Variants in MEI4 observed in about 807,000 individuals in gnomAD.
MEI4 encodes the protein meiotic double-stranded break formation protein 4.
In MEI4, 27 loss-of-function variants were observed where a neutral mutation model predicts 31.4. The ratio of observed to expected loss-of-function variants is 0.86; its 90% CI spans 0.63 to 1.19. The LOEUF (loss-of-function observed/expected upper bound fraction) is 1.19, where lower values mean the gene tolerates loss of function less well. MEI4 is among the 50% of genes most tolerant of loss of function. MEI4 has a pLI of 0.00. For missense variants in MEI4, 329 were observed against 398.9 expected, an observed-to-expected ratio of 0.82 and a Z score of 1.49; for synonymous variants, 122 against 145.4, an observed-to-expected ratio of 0.84 and a Z score of 1.16.
At chr6:77,813,303 G>A (rs9343671) in intron 3 of MEI4, among the ~76,000 whole-genome samples, 8,630 of 151,998 alleles carry the variant, frequency 0.057, 678 homozygotes, top group African/African-American at 0.17. Flanking sequence ...TCATTTGCCT[G>A]AACAGTATCT....
At chr6:77,700,644 A>T (rs547967123) in intron 2 of MEI4, among the ~76,000 whole-genome samples, 1 of 152,250 alleles carries the variant, frequency 6.6e-6, no homozygotes, top group African/African-American at 2.4e-5. Flanking sequence ...TGAACCTGGT[A>T]CCTCAGATGG....
At chr6:77,759,576 A>G (rs1767999056) in intron 2 of MEI4, among the ~76,000 whole-genome samples, 1 of 152,112 alleles carries the variant, frequency 6.6e-6, no homozygotes, top group Non-Finnish European at 1.5e-5. Context: ...GCAGCACCAT[A>G]ATCTACCTTG....
intron 4 of MEI4, among the ~76,000 whole-genome samples, chr6:77,835,476 AAAGGTG>A (rs1457601378): frequency 6.6e-6 from 1 of 151,912 alleles, no homozygotes; most frequent in Non-Finnish European, 1.5e-5. Context: ...GAGAAACCTA[AAAGGTG>A]ATTTAACATG....
chr6:77,768,952 C>T (rs1391375193), intron 3 of MEI4, among the ~76,000 whole-genome samples: 2 of 152,032 alleles, frequency 1.3e-5, no homozygotes, highest in Non-Finnish European at 2.9e-5. Flanking sequence ...AAATACAAGC[C>T]TCTAGGAATT....
chr6:77,733,454 C>G (rs1767076930), intron 2 of MEI4, among the ~76,000 whole-genome samples: 1 of 152,034 alleles, frequency 6.6e-6, no homozygotes, highest in Admixed American at 6.5e-5. Context: ...GTTTGTATTT[C>G]TGTGTGATCG....
At chr6:77,773,188 A>T (rs1768359296) in intron 3 of MEI4, among the ~76,000 whole-genome samples, 1 of 152,036 alleles carries the variant, frequency 6.6e-6, no homozygotes, top group South Asian at 2.1e-4. Context: ...AATAGAAAAA[A>T]TAGTCCTAAA....
intron 1 of MEI4, among the ~76,000 whole-genome samples, chr6:77,673,070 GTTC>G (rs1408778517): frequency 1.3e-5 from 2 of 152,122 alleles, no homozygotes; most frequent in African/African-American, 2.4e-5. Context: ...TTGACTAATT[GTTC>G]TTCTAGTTAC....
At chr6:77,696,295 C>A (rs904380357) in intron 2 of MEI4, among the ~76,000 whole-genome samples, 1 of 152,232 alleles carries the variant, frequency 6.6e-6, no homozygotes, top group South Asian at 2.1e-4. Flanking sequence ...GAACTTCCAA[C>A]ACTATGTTGA....
At chr6:77,856,436 A>G (rs1458693387) in intron 4 of MEI4, among the ~76,000 whole-genome samples, 5 of 152,170 alleles carry the variant, frequency 3.3e-5, no homozygotes, top group Non-Finnish European at 7.3e-5. Flanking sequence ...CATTGTATAC[A>G]TAGAAGGTTG....
intron 4 of MEI4, among the ~76,000 whole-genome samples, chr6:77,918,905 T>C (rs901299546): frequency 6.6e-6 from 1 of 152,106 alleles, no homozygotes; most frequent in African/African-American, 2.4e-5. Context: ...GGCTGTGGGA[T>C]TCTCATAGAT....
chr6:77,882,586 T>G (rs1406866073), intron 4 of MEI4, among the ~76,000 whole-genome samples: 1 of 152,180 alleles, frequency 6.6e-6, no homozygotes, highest in Non-Finnish European at 1.5e-5. Context: ...ACCATCAGAA[T>G]TAGCTCTGAT....
chr6:77,775,637 C>T (rs1047634653), intron 3 of MEI4, among the ~76,000 whole-genome samples: 1 of 152,106 alleles, frequency 6.6e-6, no homozygotes, highest in Non-Finnish European at 1.5e-5. Flanking sequence ...AGTTGTGCTT[C>T]TATAAACATG....
At chr6:77,839,705 G>C (rs1389191940) in intron 4 of MEI4, among the ~76,000 whole-genome samples, 1 of 152,088 alleles carries the variant, frequency 6.6e-6, no homozygotes, top group African/African-American at 2.4e-5. Flanking sequence ...AATTATTTTG[G>C]TTGCCAGTGT....
chr6:77,704,700 A>G lies in MEI4; in HGVS notation c.232+13797A>G, dbSNP rs187169010. Among the ~76,000 whole-genome samples, 803 of 152,290 alleles carry G rather than the reference A, an allele frequency of 5.3e-3. 5 individuals carry two copies. Among genetic ancestry groups the G allele is most frequent in the African/African-American group, 0.018 (747 of 41,566 alleles). On this transcript the variant is annotated intron_variant, in intron 2 of 4. Transcript: ENST00000684080. ...TGGAGTTTGAGAATCACTGGTTTAA[A>G]CAAAAGTGAAACATATGTTCAGGGA...
At chr6:77,883,745 A>ATATATCTATATCTATCTAT (rs55947073) in intron 4 of MEI4, among the ~76,000 whole-genome samples, 1 of 82,302 alleles carries the variant, frequency 1.2e-5, no homozygotes, top group African/African-American at 5.0e-5. Flanking sequence ...TATATATATA[A>ATATATCTATATCTATCTAT]CTTTGTCTTT....
chr6:77,729,057 G>A (rs531567172), intron 2 of MEI4, among the ~76,000 whole-genome samples: 27 of 152,278 alleles, frequency 1.8e-4, no homozygotes, highest in African/African-American at 5.3e-4. Flanking sequence ...GAGAAGCCCC[G>A]GAAAGGGAGC....
chr6:77,650,670 G>A (rs1399206786), upstream of MEI4, among the ~76,000 whole-genome samples: 3 of 152,236 alleles, frequency 2.0e-5, no homozygotes, highest in Admixed American at 2.0e-4. Flanking sequence ...TCCCTTTCAC[G>A]TGCCCTGGGT....
At chr6:77,710,782 G>T (rs184680499) in intron 2 of MEI4, among the ~76,000 whole-genome samples, 53 of 152,174 alleles carry the variant, frequency 3.5e-4, no homozygotes, top group African/African-American at 1.3e-3. Context: ...AATATCTAGG[G>T]TCTGGACTGA....
intron 3 of MEI4, among the ~76,000 whole-genome samples, chr6:77,801,120 C>A (rs1769243166): frequency 6.6e-6 from 1 of 152,126 alleles, no homozygotes; most frequent in Non-Finnish European, 1.5e-5. Context: ...TCCATGTGGT[C>A]CTGGACTTTT....
Sources: gnomAD v4.1 joint callset for allele counts (sites outside exome capture counted in the v4.1 genomes callset) on GRCh38, gnomAD v4.1.1 for gene constraint, MANE v1.5 for transcripts, NCBI Gene and HGNC (gene_info 2026-07-23, HGNC 2026-07-21) for gene names.